LRP1B: variants seen among roughly 807,000 people sequenced by gnomAD.
The protein encoded by LRP1B is LDL receptor related protein 1B, also known as low-density lipoprotein receptor-related protein 1B.
Under a neutral mutation model 556.6 loss-of-function variants are expected in LRP1B, and 217 were observed. The observed-to-expected ratio is 0.39, with a 90% CI of 0.35 to 0.44. The LOEUF is 0.44. Ranked by LOEUF, LRP1B falls within the 20% of genes least tolerant of loss-of-function variation. LRP1B has a pLI of 1.00. For synonymous variants in LRP1B, 2,047 were observed against 1,865.8 expected (o/e 1.10, Z -2.50); for missense variants, 5,053 against 5,620.8 (o/e 0.90, Z 3.23).
chr2:140,580,614 A>G (rs967177085), intron 43 of LRP1B, among the ~76,000 whole-genome samples: 3 of 152,062 alleles, frequency 2.0e-5, no homozygotes, highest in East Asian at 3.8e-4. Context: ...ATGATAGCTC[A>G]TAATAGCTCA....
chr2:140,278,496 C>A (rs1372763888), intron 84 of LRP1B, among the ~76,000 whole-genome samples: 2 of 151,916 alleles, frequency 1.3e-5, no homozygotes, highest in African/African-American at 4.8e-5. Flanking sequence ...AAAAGGAATT[C>A]ATGGTTCACT....
intron 77 of LRP1B, among the ~76,000 whole-genome samples, chr2:140,341,400 T>A (rs1042638280): frequency 2.0e-5 from 3 of 151,492 alleles, no homozygotes; most frequent in African/African-American, 7.3e-5. Flanking sequence ...CATTCTTCAG[T>A]CTTTCTTTGA....
intron 1 of LRP1B, among the ~76,000 whole-genome samples, chr2:142,066,384 T>G (rs1705108474): frequency 6.6e-6 from 1 of 151,460 alleles, no homozygotes; most frequent in African/African-American, 2.4e-5. Flanking sequence ...CATAGAAATC[T>G]CCCCATGTAC....
At chr2:140,557,127 C>A (rs571918326) in intron 43 of LRP1B, among the ~76,000 whole-genome samples, 2 of 152,180 alleles carry the variant, frequency 1.3e-5, no homozygotes, top group East Asian at 3.9e-4. Flanking sequence ...GATTTACATA[C>A]CAAGTGAGTT....
intron 1 of LRP1B, among the ~76,000 whole-genome samples, chr2:141,890,717 G>A (rs1035140223): frequency 6.6e-6 from 1 of 151,892 alleles, no homozygotes; most frequent in African/African-American, 2.4e-5. Flanking sequence ...TGATAAATAG[G>A]AAAAACATCA....
At chr2:141,704,466 T>C (rs1298705779) in intron 2 of LRP1B, among the ~76,000 whole-genome samples, 1 of 152,002 alleles carries the variant, frequency 6.6e-6, no homozygotes, top group African/African-American at 2.4e-5. Flanking sequence ...AAACCCTCCA[T>C]GTTCTTGAAT....
At chr2:140,585,506 G>A (rs1681949035) in intron 43 of LRP1B, among the ~76,000 whole-genome samples, 1 of 152,048 alleles carries the variant, frequency 6.6e-6, no homozygotes, top group Non-Finnish European at 1.5e-5. Flanking sequence ...GTATATGAAT[G>A]TGTTATAAAA....
intron 7 of LRP1B, among the ~76,000 whole-genome samples, chr2:141,084,363 A>G (rs1394855056): frequency 6.6e-6 from 1 of 152,222 alleles, no homozygotes; most frequent in Non-Finnish European, 1.5e-5. Flanking sequence ...GATATGCCAA[A>G]TGAATTTCAG....
chr2:140,402,768 C>A (rs1684563156), intron 66 of LRP1B, among the ~76,000 whole-genome samples: 1 of 152,204 alleles, frequency 6.6e-6, no homozygotes. Context: ...ATTTATCTAT[C>A]TGCTTTACCT....
At chr2:141,987,470 T>C (rs1425959545) in intron 1 of LRP1B, among the ~76,000 whole-genome samples, 1 of 151,902 alleles carries the variant, frequency 6.6e-6, no homozygotes, top group Non-Finnish European at 1.5e-5. Context: ...ACAGTGCTTC[T>C]GTCTCTGGCT....
chr2:140,930,945 T>C (rs1333879672), intron 20 of LRP1B, among the ~76,000 whole-genome samples: 1 of 152,092 alleles, frequency 6.6e-6, no homozygotes, highest in Non-Finnish European at 1.5e-5. Context: ...GGACATACCT[T>C]TGTCTGTTCC....
chr2:141,949,589 C>T (rs1475497629), intron 1 of LRP1B, among the ~76,000 whole-genome samples: 1 of 152,094 alleles, frequency 6.6e-6, no homozygotes. Context: ...AAGGTTTCAC[C>T]ATGTTGGCCA....
chr2:140,303,658 T>C (rs966874544), intron 83 of LRP1B, among the ~76,000 whole-genome samples: 35 of 152,272 alleles, frequency 2.3e-4, no homozygotes, highest in African/African-American at 7.7e-4. Flanking sequence ...TATTTTTTAA[T>C]AAAAAATCTT....
At chr2:140,458,551 C>T (rs900589612) in intron 60 of LRP1B, among the ~76,000 whole-genome samples, 4 of 152,028 alleles carry the variant, frequency 2.6e-5, no homozygotes, top group South Asian at 2.1e-4. Flanking sequence ...CTTATAAAAA[C>T]GTACTATTTC....
rs759948670 is a variant in LRP1B at position 141,188,496 on chromosome 2, T to A, written c.938A>T (p.Asn313Ile). 2 of 1,612,726 alleles carry A rather than the reference T, an allele frequency of 1.2e-6. No homozygotes were observed. Among genetic ancestry groups the A allele is most frequent in the East Asian group, 2.2e-5 (1 of 44,790 alleles). Residue 313 changes from asparagine to isoleucine, a missense_variant, in exon 7 of 91, where the codon AAC becomes ATC. By Grantham distance (149) the Asn-to-Ile change is moderately radical. Around this residue, in one of 5 missense-constraint regions of LRP1B, gnomAD observed 3,619 missense variants for 3,931.9 expected, o/e 0.92. Transcript: ENST00000389484. Reference protein sequence around the residue: ...VGDRIFVCNSNGSVCVTLIDL... With the variant: ...VGDRIFVCNSIGSVCVTLIDL... ...AATCAGGGTGACACATACAGAACCG[T>A]TGGAATTACAAACAAAGATCCGGTC...
rs528244714 is a variant in LRP1B, at chr2:140,615,791, T to C, written c.6800-14152A>G. ...TTCCTCACCTCTTTACACTTGTCCATATACAATAATATTTTGCCCAAACTG... is the reference window on the plus strand; with the variant it reads ...TTCCTCACCTCTTTACACTTGTCCACATACAATAATATTTTGCCCAAACTG... On this transcript the variant is annotated intron_variant, in intron 41 of 90. Coordinates refer to ENST00000389484, the MANE Select transcript of LRP1B (RefSeq NM_018557.3). Among the ~76,000 whole-genome samples the C allele has an allele frequency of 1.9e-3, 98 of 50,744 alleles. 1 individual carries two copies. Among genetic ancestry groups the C allele is most frequent in the African/African-American group, 5.9e-3 (88 of 14,974 alleles). 33.3% of individuals were successfully genotyped at this position (50,744 alleles called of 152,430 possible).
chr2:141,786,543 T>C (rs1364125305), intron 2 of LRP1B, among the ~76,000 whole-genome samples: 1 of 151,938 alleles, frequency 6.6e-6, no homozygotes, highest in Non-Finnish European at 1.5e-5. Flanking sequence ...CTGTGTAATA[T>C]ATTTGATGAT....
chr2:142,023,333 C>T (rs866684389), intron 1 of LRP1B, among the ~76,000 whole-genome samples: 6 of 152,144 alleles, frequency 3.9e-5, no homozygotes, highest in African/African-American at 1.4e-4. Flanking sequence ...TTGGTATCCG[C>T]GTATTCATTT....
intron 6 of LRP1B, among the ~76,000 whole-genome samples, chr2:141,197,653 G>C (rs1681812368): frequency 6.6e-6 from 1 of 152,100 alleles, no homozygotes; most frequent in African/African-American, 2.4e-5. Context: ...TTGCTGTATA[G>C]ATAAAGGGGA....
Sources: allele counts gnomAD v4.1 joint callset (sites outside exome capture counted in the v4.1 genomes callset), GRCh38; gene constraint gnomAD v4.1.1; regional missense constraint gnomAD v4.1.1; transcripts MANE v1.5; gene names NCBI Gene and HGNC (gene_info 2026-07-23, HGNC 2026-07-21).